The following SPMAP2L variants were observed in gnomAD, a reference collection of about 807,000 sequenced individuals.
SPMAP2L encodes the protein sperm microtubule associated protein 2 like.
chr4:56,557,225 G>A, the SPMAP2L span, among the ~76,000 whole-genome samples: 1 of 148,708 alleles, frequency 6.7e-6, no homozygotes, highest in African/African-American at 2.5e-5. Flanking sequence ...CACCAGCCCA[G>A]GTGACAGAGG....
At chr4:56,573,420 T>A in the SPMAP2L span, among the ~76,000 whole-genome samples, 1 of 152,158 alleles carries the variant, frequency 6.6e-6, no homozygotes, top group Non-Finnish European at 1.5e-5. Context: ...TGAGTAGCAG[T>A]TGTCTCTGGT....
At chr4:56,618,617 A>G in the SPMAP2L span, among the ~76,000 whole-genome samples, 1 of 152,258 alleles carries the variant, frequency 6.6e-6, no homozygotes, top group East Asian at 1.9e-4. Flanking sequence ...TATCACAAGA[A>G]CAGCATGAAG....
At chr4:56,621,897 G>A in the SPMAP2L span, among the ~76,000 whole-genome samples, 1 of 152,144 alleles carries the variant, frequency 6.6e-6, no homozygotes, top group African/African-American at 2.4e-5. Context: ...TACTCTGTGT[G>A]ATATTGTAAT....
At chr4:56,565,014 G>C in the SPMAP2L span, among the ~76,000 whole-genome samples, 41 of 152,252 alleles carry the variant, frequency 2.7e-4, no homozygotes, top group East Asian at 7.9e-3. Flanking sequence ...ATACCACTAT[G>C]GCTAAAGAAC....
the SPMAP2L span, among the ~76,000 whole-genome samples, chr4:56,535,655 T>C: frequency 2.0e-5 from 3 of 152,224 alleles, no homozygotes; most frequent in Non-Finnish European, 4.4e-5. Context: ...ACTCGGTGTC[T>C]GAGGGGTTTT....
At chr4:56,550,785 C>T in the SPMAP2L span, among the ~76,000 whole-genome samples, 2 of 152,232 alleles carry the variant, frequency 1.3e-5, no homozygotes, top group African/African-American at 4.8e-5. Flanking sequence ...TCCCTGTATC[C>T]TTTAAAAAGT....
the SPMAP2L span, among the ~76,000 whole-genome samples, chr4:56,558,036 T>C: frequency 2.0e-5 from 3 of 152,124 alleles, no homozygotes; most frequent in Admixed American, 1.3e-4. Flanking sequence ...TAGTACGTTC[T>C]TGGCTGACTG....
the SPMAP2L span, among the ~76,000 whole-genome samples, chr4:56,599,156 T>C: frequency 3.9e-5 from 6 of 152,038 alleles, no homozygotes; most frequent in African/African-American, 1.5e-4. Flanking sequence ...AGTGTGTGTA[T>C]ATATGTATAT....
the SPMAP2L span, among the ~76,000 whole-genome samples, chr4:56,596,794 A>G: frequency 6.6e-6 from 1 of 152,214 alleles, no homozygotes; most frequent in Admixed American, 6.5e-5. Flanking sequence ...GAGAGAGGGA[A>G]AAGAGTAGAA....
the SPMAP2L span, among the ~76,000 whole-genome samples, chr4:56,600,210 G>T: frequency 3.4e-5 from 5 of 147,256 alleles, no homozygotes; most frequent in Non-Finnish European, 5.9e-5. Context: ...CTCCCAAAGT[G>T]CTGGGACTGA....
At chr4:56,602,246 T>C in the SPMAP2L span, among the ~76,000 whole-genome samples, 3 of 152,130 alleles carry the variant, frequency 2.0e-5, no homozygotes, top group Non-Finnish European at 2.9e-5. Context: ...TAGCAAAACC[T>C]AGGAGAGGCA....
chr4:56,576,275 G>A, the SPMAP2L span, among the ~76,000 whole-genome samples: 1 of 152,256 alleles, frequency 6.6e-6, no homozygotes, highest in Middle Eastern at 3.4e-3. Context: ...TGGAAACTAT[G>A]TTATGTGAAA....
the SPMAP2L span, among the ~76,000 whole-genome samples, chr4:56,534,339 T>G: frequency 6.6e-6 from 1 of 152,222 alleles, no homozygotes; most frequent in Non-Finnish European, 1.5e-5. Context: ...TTTACTTGAC[T>G]TCTGGGATGC....
At chr4:56,597,646 A>G in the SPMAP2L span, among the ~76,000 whole-genome samples, 1 of 152,156 alleles carries the variant, frequency 6.6e-6, no homozygotes, top group African/African-American at 2.4e-5. Context: ...GTTTTTTGGT[A>G]TGTAAAAATG....
chr4:56,587,155 C>G, the SPMAP2L span, among the ~76,000 whole-genome samples: 1 of 152,014 alleles, frequency 6.6e-6, no homozygotes, highest in Non-Finnish European at 1.5e-5. Flanking sequence ...TTTTACATAG[C>G]TGCCCCTAAA....
chr4:56,582,542 G>T, the SPMAP2L span, among the ~76,000 whole-genome samples: 26 of 151,898 alleles, frequency 1.7e-4, no homozygotes, highest in Non-Finnish European at 2.8e-4. Flanking sequence ...ATAATGATAA[G>T]AAATAATAAA....
At chr4:56,572,490 C>G in the SPMAP2L span, among the ~76,000 whole-genome samples, 1 of 152,176 alleles carries the variant, frequency 6.6e-6, no homozygotes, top group African/African-American at 2.4e-5. Context: ...TCCACTCTCT[C>G]CTAGTGAGTG....
At chr4:56,575,450 A>G in the SPMAP2L span, 2 of 1,525,778 alleles carry the variant, frequency 1.3e-6, no homozygotes, top group Non-Finnish European at 1.8e-6. Context: ...AAATACTATG[A>G]CAATTTGAAA....
At chr4:56,623,819 C>A in the SPMAP2L span, among the ~76,000 whole-genome samples, 2 of 152,184 alleles carry the variant, frequency 1.3e-5, no homozygotes, top group African/African-American at 4.8e-5. Flanking sequence ...TCCAATTAAA[C>A]CTCTTTTTCT....
Sources: allele counts gnomAD v4.1 joint callset (sites outside exome capture counted in the v4.1 genomes callset), GRCh38; gene constraint gnomAD v4.1.1; transcripts MANE v1.5; gene names NCBI Gene and HGNC (gene_info 2026-07-23, HGNC 2026-07-21).